Variants in ROBO1 observed in about 807,000 individuals in gnomAD.
ROBO1 encodes roundabout homolog 1.
ROBO1 carries 149 observed loss-of-function variants against 195.9 expected under a neutral mutation model. The observed-to-expected ratio is 0.76, with a 90% CI of 0.67 to 0.87. The LOEUF (loss-of-function observed/expected upper bound fraction) is 0.87. Ranked by LOEUF, ROBO1 falls within the 40% of genes least tolerant of loss-of-function variation. The pLI is 0.00. For synonymous variants in ROBO1, 816 were observed against 733.2 expected (o/e 1.11, Z -1.82); for missense variants, 1,933 against 2,068.3 (o/e 0.93, Z 1.27).
At chr3:79,720,412 C>G (rs1337025831) in intron 1 of ROBO1, among the ~76,000 whole-genome samples, 1 of 152,156 alleles carries the variant, frequency 6.6e-6, no homozygotes, top group African/African-American at 2.4e-5. Flanking sequence ...TCCAGCTGAG[C>G]TTTACCTACT....
intron 5 of ROBO1, among the ~76,000 whole-genome samples, chr3:78,738,414 G>T (rs549696466): frequency 1.4e-4 from 21 of 152,208 alleles, no homozygotes; most frequent in African/African-American, 3.4e-4. Flanking sequence ...GTTTTGTTTT[G>T]TTTTTTACTG....
At chr3:79,656,698 G>A (rs570724655) in intron 1 of ROBO1, among the ~76,000 whole-genome samples, 11 of 151,810 alleles carry the variant, frequency 7.2e-5, no homozygotes, top group African/African-American at 2.4e-4. Context: ...AGTTTGAGAC[G>A]AGCCTGGACA....
intron 2 of ROBO1, among the ~76,000 whole-genome samples, chr3:79,259,509 C>T (rs948101744): frequency 2.6e-5 from 4 of 152,064 alleles, no homozygotes; most frequent in Non-Finnish European, 2.9e-5. Context: ...TCCCATTGTG[C>T]TATCAAATAG....
At chr3:79,751,885 G>T (rs1211939509) in intron 1 of ROBO1, among the ~76,000 whole-genome samples, 1 of 152,080 alleles carries the variant, frequency 6.6e-6, no homozygotes, top group African/African-American at 2.4e-5. Context: ...AAATAGAGTT[G>T]CCAGAATGTC....
chr3:79,049,603 C>T (rs1383324676), intron 3 of ROBO1, among the ~76,000 whole-genome samples: 1 of 152,060 alleles, frequency 6.6e-6, no homozygotes, highest in Non-Finnish European at 1.5e-5. Context: ...TTGTCAGATT[C>T]ACCAAGGTTG....
rs2080200191 is a variant in ROBO1, at chr3:79,125,545, G to A, written c.89-6C>T. 7.4e-6 allele frequency: 12 copies of A among 1,612,252 alleles called. No individual in the cohort carries two copies. Among genetic ancestry groups the A allele is most frequent in the African/African-American group, 1.3e-5 (1 of 74,986 alleles). ...CCTCTCTACATCTTCAGGGTCTGTC[G>A]GAAACAACACCAGAGCTGCTGATGG... On this transcript the variant is annotated splice_polypyrimidine_tract_variant and splice_region_variant and intron_variant, in intron 2 of 30. Coordinates refer to ENST00000464233, the MANE Select transcript of ROBO1 (RefSeq NM_002941.4).
chr3:79,184,371 A>T (rs111558497), intron 2 of ROBO1, among the ~76,000 whole-genome samples: 33 of 152,232 alleles, frequency 2.2e-4, no homozygotes, highest in African/African-American at 7.9e-4. Flanking sequence ...CTCATTTAAG[A>T]CTATGTATAG....
intron 4 of ROBO1, chr3:78,758,890 A>G (rs1234345067): frequency 4.6e-5 from 7 of 152,190 alleles, no homozygotes; most frequent in African/African-American, 1.7e-4. Context: ...CTGTGAGGCA[A>G]TGGGAAGAAA....
intron 2 of ROBO1, among the ~76,000 whole-genome samples, chr3:79,466,664 C>T (rs559685513): frequency 5.2e-4 from 79 of 151,966 alleles, no homozygotes; most frequent in Non-Finnish European, 9.9e-4. Context: ...GGATCTCAGA[C>T]ATGAGCCATT....
chr3:78,759,573 A>C (rs1482205898), intron 4 of ROBO1, among the ~76,000 whole-genome samples: 1 of 152,136 alleles, frequency 6.6e-6, no homozygotes, highest in African/African-American at 2.4e-5. Context: ...ATATATGTAT[A>C]AATAGCTGTT....
intron 4 of ROBO1, among the ~76,000 whole-genome samples, chr3:78,786,402 G>T (rs918881959): frequency 6.6e-6 from 1 of 152,092 alleles, no homozygotes; most frequent in African/African-American, 2.4e-5. Context: ...TGAGTGCTTA[G>T]TATGAGTCTG....
intron 2 of ROBO1, among the ~76,000 whole-genome samples, chr3:79,293,864 C>T (rs529140433): frequency 3.4e-4 from 52 of 151,462 alleles, no homozygotes; most frequent in African/African-American, 1.2e-3. Flanking sequence ...CGAGACCATC[C>T]TGGCTAACAC....
intron 1 of ROBO1, among the ~76,000 whole-genome samples, chr3:79,688,598 T>A (rs2107053809): frequency 6.6e-6 from 1 of 152,224 alleles, no homozygotes; most frequent in African/African-American, 2.4e-5. Context: ...AGCAATGTAA[T>A]GTTGGTTGCA....
intron 3 of ROBO1, among the ~76,000 whole-genome samples, chr3:79,038,548 G>A (rs769151082): frequency 6.6e-6 from 1 of 151,916 alleles, no homozygotes; most frequent in Non-Finnish European, 1.5e-5. Flanking sequence ...TCACTCAAAG[G>A]TGAAGTAAAC....
intron 4 of ROBO1, among the ~76,000 whole-genome samples, chr3:78,888,619 C>T (rs1394669875): frequency 6.6e-6 from 1 of 152,138 alleles, no homozygotes; most frequent in Non-Finnish European, 1.5e-5. Context: ...TATAGAAGTC[C>T]TTTCTCTACC....
At chr3:78,811,378 T>C (rs2084734107) in intron 4 of ROBO1, among the ~76,000 whole-genome samples, 1 of 152,186 alleles carries the variant, frequency 6.6e-6, no homozygotes, top group Admixed American at 6.6e-5. Flanking sequence ...CACTCTTTAA[T>C]TGAAAAACGT....
intron 2 of ROBO1, among the ~76,000 whole-genome samples, chr3:79,393,506 T>G (rs1410730351): frequency 6.6e-6 from 1 of 152,206 alleles, no homozygotes; most frequent in East Asian, 1.9e-4. Context: ...GTTCAATGAC[T>G]TTGTGCATCA....
chr3:79,363,301 CCAGTCAAGCA>C (rs1447814413), intron 2 of ROBO1, among the ~76,000 whole-genome samples: 1 of 152,158 alleles, frequency 6.6e-6, no homozygotes, highest in African/African-American at 2.4e-5. Context: ...TCTCTTCTCT[CCAGTCAAGCA>C]CTTTGATCCT....
At chr3:78,790,274 G>A (rs2083977219) in intron 4 of ROBO1, among the ~76,000 whole-genome samples, 1 of 152,068 alleles carries the variant, frequency 6.6e-6, no homozygotes, top group South Asian at 2.1e-4. Context: ...AGCTTTTCCT[G>A]TGCAGCTTAG....
Sources: allele counts gnomAD v4.1 joint callset (sites outside exome capture counted in the v4.1 genomes callset), GRCh38; gene constraint gnomAD v4.1.1; transcripts MANE v1.5; gene names NCBI Gene and HGNC (gene_info 2026-07-23, HGNC 2026-07-21).